PPM1H: variants seen among roughly 807,000 people sequenced by gnomAD.
PPM1H encodes protein phosphatase 1H.
In PPM1H, 27 loss-of-function variants were observed where a neutral mutation model predicts 54.9. The observed-to-expected ratio is 0.49, with a 90% CI of 0.36 to 0.68. The LOEUF (loss-of-function observed/expected upper bound fraction) is 0.68. PPM1H is among the 30% of genes least tolerant of loss of function. The pLI is 0.00. For missense variants in PPM1H, 596 were observed against 667.8 expected (o/e 0.89, Z 1.19); for synonymous variants, 305 against 270.8 (o/e 1.13, Z -1.24).
intron 2 of PPM1H, among the ~76,000 whole-genome samples, chr12:62,806,135 G>A (rs764833819): frequency 6.6e-5 from 10 of 151,708 alleles, no homozygotes; most frequent in Non-Finnish European, 7.4e-5. Context: ...ATCTACTTCT[G>A]ACTAGCTGGC....
In PPM1H at chr12:62,875,019, C is replaced by T. The variant is rs575639087; in HGVS notation, c.246-42740G>A. Among the ~76,000 whole-genome samples, 26 of 152,360 alleles carry T rather than the reference C, an allele frequency of 1.7e-4. No individual in the cohort carries two copies. The South Asian group carries it at 2.9e-3, about 17-fold the overall frequency. On this transcript the variant is annotated intron_variant, in intron 1 of 9. Coordinates refer to ENST00000228705, the MANE Select transcript of PPM1H (RefSeq NM_020700.2). ...TCTTCTGCCAAAGGGCAAGGGTTCT[C>T]TTGGCCAAAGCTGAGTTCCAACAGG...
chr12:62,833,498 A>G (rs1326397097), intron 1 of PPM1H, among the ~76,000 whole-genome samples: 1 of 152,216 alleles, frequency 6.6e-6, no homozygotes, highest in Non-Finnish European at 1.5e-5. Context: ...AGAAAATGAC[A>G]TTGATACAAT....
chr12:62,688,631 C>T (rs1197985434), intron 8 of PPM1H, among the ~76,000 whole-genome samples: 1 of 152,102 alleles, frequency 6.6e-6, no homozygotes, highest in Non-Finnish European at 1.5e-5. Flanking sequence ...AAATTAACTT[C>T]TCTAAACATC....
Position 62,747,383 on chromosome 12 carries a change from G to A in PPM1H, c.870-9797C>T, listed in dbSNP as rs7307404. Reference sequence around the variant, plus strand: ...ACTCCTGACCTCAGGTGATCCACCCGCCTCGGCCTCCCAAAGTGCTGGGAT... The same window carrying A: ...ACTCCTGACCTCAGGTGATCCACCCACCTCGGCCTCCCAAAGTGCTGGGAT... On this transcript the variant is annotated intron_variant, in intron 4 of 9. Transcript: ENST00000228705. Among the ~76,000 whole-genome samples the A allele has an allele frequency of 7.1e-3, 1,073 of 152,194 alleles. 9 individuals carry two copies. Among genetic ancestry groups the A allele is most frequent in the African/African-American group, 0.025 (1,023 of 41,524 alleles).
chr12:62,714,854 G>C (rs1186917553), intron 6 of PPM1H, among the ~76,000 whole-genome samples: 1 of 152,226 alleles, frequency 6.6e-6, no homozygotes, highest in Non-Finnish European at 1.5e-5. Context: ...GCATTCACAA[G>C]ATGGACTTTT....
At chr12:62,849,326 G>T (rs1287861475) in intron 1 of PPM1H, among the ~76,000 whole-genome samples, 1 of 152,166 alleles carries the variant, frequency 6.6e-6, no homozygotes, top group African/African-American at 2.4e-5. Context: ...TGATTTAATT[G>T]CATATTGTCT....
intron 4 of PPM1H, among the ~76,000 whole-genome samples, chr12:62,753,346 A>G (rs1326943228): frequency 6.6e-6 from 1 of 152,234 alleles, no homozygotes; most frequent in Admixed American, 6.5e-5. Flanking sequence ...CTCATGCTCG[A>G]AAGAGTTCAG....
At chr12:62,882,606 A>G (rs1358892574) in intron 1 of PPM1H, among the ~76,000 whole-genome samples, 1 of 152,206 alleles carries the variant, frequency 6.6e-6, no homozygotes, top group Non-Finnish European at 1.5e-5. Flanking sequence ...ACAAAGCACC[A>G]TTCTCCTTGC....
intron 8 of PPM1H, among the ~76,000 whole-genome samples, chr12:62,683,736 A>G (rs1332953695): frequency 1.3e-5 from 2 of 152,224 alleles, no homozygotes; most frequent in Non-Finnish European, 2.9e-5. Flanking sequence ...ACTGGCCCCA[A>G]ATAGAGAGGG....
At chr12:62,933,616 G>A (rs12301080) in intron 1 of PPM1H, among the ~76,000 whole-genome samples, 1 of 152,116 alleles carries the variant, frequency 6.6e-6, no homozygotes, top group South Asian at 2.1e-4. Context: ...GTACAGCTGA[G>A]GTAGTAGATA....
intron 8 of PPM1H, among the ~76,000 whole-genome samples, chr12:62,675,742 C>T (rs2075981761): frequency 1.3e-5 from 2 of 152,342 alleles, no homozygotes; most frequent in South Asian, 4.1e-4. Flanking sequence ...ACTGCTACTT[C>T]TGGCCATTGG....
intron 2 of PPM1H, among the ~76,000 whole-genome samples, chr12:62,812,621 A>C (rs984480752): frequency 2.0e-5 from 3 of 152,072 alleles, no homozygotes; most frequent in African/African-American, 7.2e-5. Context: ...CAGCCTGATG[A>C]AGGAAGATTC....
rs530477589 is a variant in PPM1H at position 62,919,463 on chromosome 12, T to C, written c.245+15029A>G. 2.6e-5 allele frequency among the ~76,000 whole-genome samples: 4 copies of C among 152,206 alleles called. No individual in the cohort carries two copies. The South Asian group carries it at 8.3e-4, about 32-fold the overall frequency. On this transcript the variant is annotated intron_variant, in intron 1 of 9. Coordinates refer to ENST00000228705, the MANE Select transcript of PPM1H (RefSeq NM_020700.2). ...CTGGGGGAGAAGCTAATGACTAACATTGTGGGCAAGAAGTACTCAAGGTTA... is the reference window on the plus strand; with the variant it reads ...CTGGGGGAGAAGCTAATGACTAACACTGTGGGCAAGAAGTACTCAAGGTTA...
intron 8 of PPM1H, among the ~76,000 whole-genome samples, chr12:62,677,088 T>A (rs946380582): frequency 6.6e-6 from 1 of 152,118 alleles, no homozygotes; most frequent in Non-Finnish European, 1.5e-5. Context: ...TGCCTGCAGA[T>A]AGGAGCTACC....
At chr12:62,662,773 A>C (rs2075892150) in intron 9 of PPM1H, among the ~76,000 whole-genome samples, 1 of 152,158 alleles carries the variant, frequency 6.6e-6, no homozygotes, top group Non-Finnish European at 1.5e-5. Context: ...CCTGCCATCT[A>C]CTTGAAGGAA....
chr12:62,879,432 A>T (rs1870310271), intron 1 of PPM1H, among the ~76,000 whole-genome samples: 1 of 152,256 alleles, frequency 6.6e-6, no homozygotes, highest in South Asian at 2.1e-4. Context: ...CTATGCAGCC[A>T]TAAAAAAGGA....
At chr12:62,731,947 G>A (rs538091756) in intron 5 of PPM1H, among the ~76,000 whole-genome samples, 1 of 152,292 alleles carries the variant, frequency 6.6e-6, no homozygotes, top group East Asian at 1.9e-4. Context: ...AAAATCTGTT[G>A]TGAAATGTCC....
intron 6 of PPM1H, among the ~76,000 whole-genome samples, chr12:62,700,099 A>C (rs1322863545): frequency 6.6e-6 from 1 of 151,006 alleles, no homozygotes. Flanking sequence ...ACATTCTCCC[A>C]CCTGCCCCGA....
At chr12:62,828,440 A>G (rs908490290) in intron 2 of PPM1H, among the ~76,000 whole-genome samples, 4 of 152,134 alleles carry the variant, frequency 2.6e-5, no homozygotes, top group Non-Finnish European at 5.9e-5. Flanking sequence ...TCTTCCTTCA[A>G]ATAGCTGCAA....
Sources: allele counts gnomAD v4.1 joint callset (sites outside exome capture counted in the v4.1 genomes callset), GRCh38; gene constraint gnomAD v4.1.1; transcripts MANE v1.5; gene names NCBI Gene and HGNC (gene_info 2026-07-23, HGNC 2026-07-21).